Variants in FANCD2OS observed in about 807,000 individuals in gnomAD.
The protein encoded by FANCD2OS is FANCD2 opposite strand protein.
A neutral mutation model predicts 13.2 loss-of-function variants in FANCD2OS; 11 were observed. The ratio of observed to expected loss-of-function variants is 0.83; its 90% CI spans 0.52 to 1.38. FANCD2OS has a LOEUF of 1.38. Ranked by LOEUF, FANCD2OS falls within the 40% of genes most tolerant of loss-of-function variation. The pLI is 0.00. For missense variants in FANCD2OS, 217 were observed against 213.9 expected (o/e 1.01, Z -0.09); for synonymous variants, 69 against 84.5 (o/e 0.82, Z 1.01).
intron 1 of FANCD2OS, among the ~76,000 whole-genome samples, chr3:10,106,208 G>C (rs1270744400): frequency 6.6e-6 from 1 of 152,068 alleles, no homozygotes; most frequent in African/African-American, 2.4e-5. Flanking sequence ...TCTAGGTGTG[G>C]GTGTGGTTTT....
chr3:10,103,043 G>A, downstream of FANCD2OS: 2 of 437,160 alleles, frequency 4.6e-6, no homozygotes, highest in Non-Finnish European at 9.1e-6. Flanking sequence ...CATTGCTTGA[G>A]TCCAGGAGTT....
downstream of FANCD2OS, among the ~76,000 whole-genome samples, chr3:10,103,724 A>T (rs1022559425): frequency 7.2e-5 from 11 of 152,170 alleles, no homozygotes; most frequent in African/African-American, 2.7e-4. Context: ...GTTTAATATC[A>T]GTATTTCTAC....
intron 2 of FANCD2OS, among the ~76,000 whole-genome samples, chr3:10,096,904 G>A (rs945060883): frequency 5.3e-5 from 8 of 152,086 alleles, no homozygotes; most frequent in Admixed American, 4.6e-4. Context: ...GACCTGCCCC[G>A]ATAATCACGT....
At chr3:10,082,644 C>T (rs149642476) in intron 2 of FANCD2OS, among the ~76,000 whole-genome samples, 229 of 152,248 alleles carry the variant, frequency 1.5e-3, no homozygotes, top group African/African-American at 4.7e-3. Flanking sequence ...TGCCAGGACC[C>T]CCACTCTTCT....
chr3:10,104,831 GA>G, intron 1 of FANCD2OS, 49 bp from the exon 2 acceptor site: 1 of 1,485,362 alleles, frequency 6.7e-7, no homozygotes, highest in Non-Finnish European at 9.0e-7. Flanking sequence ...TGCTTTTCAT[GA>G]GAGCATGGCC....
chr3:10,088,744 T>C (rs1694394355), intron 2 of FANCD2OS: 2 of 1,452,266 alleles, frequency 1.4e-6, no homozygotes, highest in Non-Finnish European at 9.7e-7. Flanking sequence ...TTATTGTTAA[T>C]TCAGATCATA....
At chr3:10,092,334 G>T in intron 2 of FANCD2OS, 1 of 1,057,508 alleles carries the variant, frequency 9.5e-7, no homozygotes, top group Non-Finnish European at 1.5e-6. Context: ...GACTTTCCTT[G>T]CTCCTCTTCC....
At chr3:10,099,443 C>T (rs920939039), downstream of FANCD2OS, 4 of 553,512 alleles carry the variant, frequency 7.2e-6, no homozygotes, top group Admixed American at 5.1e-5. Context: ...CACAACATAA[C>T]AAGACCCTAT....
At chr3:10,094,912 G>A (rs113363588) in intron 2 of FANCD2OS, 2 of 451,122 alleles carry the variant, frequency 4.4e-6, no homozygotes, top group East Asian at 4.2e-5. Flanking sequence ...AGGGAAGGTG[G>A]TATTTTATCC....
chr3:10,098,679 A>G, downstream of FANCD2OS: 1 of 1,610,762 alleles, frequency 6.2e-7, no homozygotes, highest in Non-Finnish European at 8.5e-7. Flanking sequence ...CCTAAATGTG[A>G]TCATTATAAC....
At chr3:10,101,377 CTTTTTTTTTTT>C (rs950337384), downstream of FANCD2OS, 12 of 388,514 alleles carry the variant, frequency 3.1e-5, no homozygotes, top group Admixed American at 1.3e-4. Flanking sequence ...TTTTGTTCCT[CTTTTTTTTTTT>C]TTTTTTTTTT....
chr3:10,107,576 G>A (rs1205015002), intron 1 of FANCD2OS, among the ~76,000 whole-genome samples: 1 of 151,192 alleles, frequency 6.6e-6, no homozygotes, highest in African/African-American at 2.4e-5. Flanking sequence ...GTGAGCCACC[G>A]GGCCCGGGCC....
At chr3:10,100,074 G>C (rs540853079), downstream of FANCD2OS, among the ~76,000 whole-genome samples, 5 of 152,230 alleles carry the variant, frequency 3.3e-5, no homozygotes, top group South Asian at 4.1e-4. Flanking sequence ...TGTGGTCCCT[G>C]CTACACAGGA....
downstream of FANCD2OS, chr3:10,099,228 C>A: frequency 7.4e-7 from 1 of 1,344,142 alleles, no homozygotes; most frequent in Non-Finnish European, 9.6e-7. Flanking sequence ...AGCCAAAGCA[C>A]AGAGTCAGAA....
chr3:10,107,588 C>T (rs1185718217), intron 1 of FANCD2OS, among the ~76,000 whole-genome samples: 69 of 151,992 alleles, frequency 4.5e-4, no homozygotes, highest in Admixed American at 4.4e-3. Context: ...GCCCGGGCCC[C>T]CCGGATCCTT....
At chr3:10,082,155 C>T (rs1183565624) in intron 2 of FANCD2OS, among the ~76,000 whole-genome samples, 2 of 152,216 alleles carry the variant, frequency 1.3e-5, no homozygotes, top group Admixed American at 1.3e-4. Context: ...TCAGCTTTGC[C>T]TGGCTTAGTA....
chr3:10,094,410 C>A (rs778488560), intron 2 of FANCD2OS: 1 of 1,497,092 alleles, frequency 6.7e-7, no homozygotes, highest in Admixed American at 1.7e-5. Flanking sequence ...AAGAGTTGCT[C>A]AGAAGATATG....
intron 2 of FANCD2OS, among the ~76,000 whole-genome samples, chr3:10,092,444 T>TC (rs1694686788): frequency 6.7e-6 from 1 of 148,692 alleles, no homozygotes. Context: ...TTTTTTTTTG[T>TC]CTTTTCCTTC....
intron 2 of FANCD2OS, chr3:10,095,349 G>A (rs547227726): frequency 1.7e-6 from 2 of 1,167,002 alleles, no homozygotes; most frequent in East Asian, 4.9e-5. Flanking sequence ...GGATCCATGG[G>A]CTACCATCCT....
Sources: gnomAD v4.1 joint callset for allele counts (sites outside exome capture counted in the v4.1 genomes callset) on GRCh38, gnomAD v4.1.1 for gene constraint, MANE v1.5 for transcripts, NCBI Gene and HGNC (gene_info 2026-07-23, HGNC 2026-07-21) for gene names.